ZNF469: variants seen among roughly 807,000 people sequenced by gnomAD.
ZNF469 encodes zinc finger protein 469.
In ZNF469, 1 loss-of-function variant was observed where a neutral mutation model predicts 1.0. The observed-to-expected ratio is 1.00, with a 90% confidence interval of 0.35 to 4.73. The LOEUF (loss-of-function observed/expected upper bound fraction) is 4.73. ZNF469 is among the 30% of genes most tolerant of loss of function. The pLI is 0.16. For missense variants in ZNF469, 6,100 were observed against 5,356.3 expected (o/e 1.14, Z -4.33); for synonymous variants, 2,703 against 2,363.4 (o/e 1.14, Z -4.17).
the ZNF469 span, among the ~76,000 whole-genome samples, chr16:88,173,522 A>G: frequency 2.6e-5 from 4 of 152,238 alleles, no homozygotes; most frequent in African/African-American, 9.6e-5. Context: ...CAGCAGAAGA[A>G]AAATAATTCC....
the ZNF469 span, among the ~76,000 whole-genome samples, chr16:88,118,540 G>A: frequency 7.9e-5 from 12 of 152,182 alleles, no homozygotes; most frequent in Non-Finnish European, 1.5e-4. Flanking sequence ...TGTCACCTCC[G>A]CCTCTGCAGA....
the ZNF469 span, among the ~76,000 whole-genome samples, chr16:88,187,904 T>C: frequency 1.3e-5 from 2 of 152,100 alleles, no homozygotes; most frequent in African/African-American, 4.8e-5. Flanking sequence ...TTGTCTCTTT[T>C]TCCCCAGCAG....
chr16:88,382,586 T>C (rs1341933323), upstream of ZNF469, among the ~76,000 whole-genome samples: 1 of 152,288 alleles, frequency 6.6e-6, no homozygotes, highest in East Asian at 1.9e-4. Context: ...CAGGTGCCAG[T>C]CGGGACATCC....
At chr16:88,153,777 C>T in the ZNF469 span, among the ~76,000 whole-genome samples, 10 of 152,164 alleles carry the variant, frequency 6.6e-5, no homozygotes, top group Admixed American at 6.5e-5. Context: ...CTGCGGATGG[C>T]GTCTCCTCCC....
the ZNF469 span, among the ~76,000 whole-genome samples, chr16:88,332,372 C>T: frequency 1.3e-5 from 2 of 152,194 alleles, no homozygotes; most frequent in Non-Finnish European, 2.9e-5. Flanking sequence ...TGGAAGCACC[C>T]GTGGGAACCC....
chr16:88,303,700 G>C, the ZNF469 span, among the ~76,000 whole-genome samples: 6 of 152,204 alleles, frequency 3.9e-5, no homozygotes, highest in Admixed American at 3.9e-4. Context: ...CAAGCCATGA[G>C]CCTCTTACAG....
the ZNF469 span, among the ~76,000 whole-genome samples, chr16:88,182,181 T>G: frequency 1.3e-3 from 205 of 152,184 alleles, no homozygotes; most frequent in African/African-American, 4.5e-3. Context: ...ATGTGCAAAA[T>G]TTGTTTACTT....
At chr16:88,192,465 G>A in the ZNF469 span, among the ~76,000 whole-genome samples, 1 of 152,310 alleles carries the variant, frequency 6.6e-6, no homozygotes, top group Admixed American at 6.5e-5. Flanking sequence ...AAAGAAAATG[G>A]GAGGTCCTCT....
the ZNF469 span, among the ~76,000 whole-genome samples, chr16:88,295,711 G>A: frequency 2.3e-4 from 35 of 152,306 alleles, no homozygotes; most frequent in South Asian, 1.0e-3. Flanking sequence ...GAGATGCTGG[G>A]CAGGACCAAG....
At chr16:88,212,225 G>T in the ZNF469 span, among the ~76,000 whole-genome samples, 1 of 152,106 alleles carries the variant, frequency 6.6e-6, no homozygotes, top group East Asian at 1.9e-4. Flanking sequence ...GGAATCACTT[G>T]TTCCAAACGG....
chr16:88,350,460 G>A, the ZNF469 span, among the ~76,000 whole-genome samples: 1 of 152,246 alleles, frequency 6.6e-6, no homozygotes, highest in East Asian at 1.9e-4. Context: ...CGCCTGGGCT[G>A]GGCCACTCAC....
In ZNF469 at chr16:88,433,124, C is replaced by T. The variant is rs1597210642; in HGVS notation, c.5654C>T (p.Ser1885Phe). The T allele has an allele frequency of 3.2e-6, 5 of 1,550,200 alleles. No homozygotes were observed. The highest frequency in any genetic ancestry group is 2.0e-5 in the Admixed American group (1 of 50,990). ...CCTGTGCCAAGTCCCGCCTGTGTAT[C>T]CAACACCCACCCTAGCAGGAGGTCC... ...LVPVPSPACVSNTHPSRRSQD... is the reference protein window; with the variant it reads ...LVPVPSPACVFNTHPSRRSQD... Residue 1885 changes from serine to phenylalanine, a missense_variant, in exon 3 of 3, where the codon TCC becomes TTC. Coordinates refer to ENST00000565624, the MANE Select transcript of ZNF469 (RefSeq NM_001367624.2).
At chr16:88,149,759 G>A in the ZNF469 span, among the ~76,000 whole-genome samples, 2 of 152,162 alleles carry the variant, frequency 1.3e-5, no homozygotes, top group African/African-American at 4.8e-5. Flanking sequence ...CCCCTGACAC[G>A]TGCTGGGCAG....
chr16:88,208,575 GAA>G, the ZNF469 span, among the ~76,000 whole-genome samples: 1 of 56,398 alleles, frequency 1.8e-5, no homozygotes, highest in Non-Finnish European at 4.0e-5. Flanking sequence ...AGGAGAGAGG[GAA>G]GGAGAGAGGG....
At position 88,437,822 on chromosome 16, in the gene ZNF469, G is replaced by A. The variant is rs972190166; in HGVS notation, c.10352G>A (p.Arg3451His). ...LRGGRQPFAF[R>H]GVRRPGAPGQ... ...GGGGGGCGGCAGCCCTTCGCGTTCC[G>A]CGGCGTGCGGAGGCCGGGAGCGCCG... The change falls in exon 3 of 3, where the codon CGC becomes CAC. Residue 3451 changes from arginine to histidine, a missense_variant. Transcript: ENST00000565624. The A allele has an allele frequency of 1.2e-5, 19 of 1,542,318 alleles. No homozygotes were observed. Among genetic ancestry groups the A allele is most frequent in the Non-Finnish European group, 1.7e-5 (19 of 1,141,090 alleles).
the ZNF469 span, among the ~76,000 whole-genome samples, chr16:88,296,446 A>G: frequency 7.2e-6 from 1 of 138,864 alleles, no homozygotes; most frequent in Non-Finnish European, 1.6e-5. Flanking sequence ...ACTCACAGAC[A>G]TGCTCACCCT....
upstream of ZNF469, among the ~76,000 whole-genome samples, chr16:88,381,368 TCA>T (rs10552193): frequency 3.4e-4 from 44 of 129,748 alleles, no homozygotes; most frequent in East Asian, 9.4e-3. Flanking sequence ...ACACATGCAC[TCA>T]CACACAGAGA....
In ZNF469 at chr16:88,434,745, C is replaced by T. The variant is rs1174434294; in HGVS notation, c.7275C>T (p.Ser2425=). The T allele has an allele frequency of 1.9e-6, 3 of 1,550,296 alleles. No homozygotes were observed. The African/African-American group carries it at 4.1e-5, about 21-fold the overall frequency. ...ACTTCCAGTCTGACTCCCCCCAAAG[C>T]CACAGAAATGCCTCCCACCAGACTC... ...ASDFQSDSPQ[S]HRNASHQTPQ... is the part of the protein sequence containing the mutation. Residue 2425 remains serine, a synonymous_variant, in exon 3 of 3, where the codon AGC becomes AGT. Coordinates refer to ENST00000565624, the MANE Select transcript of ZNF469 (RefSeq NM_001367624.2).
the ZNF469 span, among the ~76,000 whole-genome samples, chr16:88,192,635 G>A: frequency 3.3e-5 from 5 of 152,402 alleles, no homozygotes; most frequent in East Asian, 9.6e-4. Flanking sequence ...AGTATTGAGA[G>A]TCATCACATG....
Sources: allele counts gnomAD v4.1 joint callset (sites outside exome capture counted in the v4.1 genomes callset), GRCh38; gene constraint gnomAD v4.1.1; transcripts MANE v1.5; gene names NCBI Gene and HGNC (gene_info 2026-07-23, HGNC 2026-07-21).